Variants in SOX6 observed in about 807,000 individuals in gnomAD.
SOX6 encodes the protein transcription factor SOX-6.
Under a neutral mutation model 97.8 loss-of-function variants are expected in SOX6, and 11 were observed. That is an observed-to-expected ratio of 0.11 (90% CI 0.07 to 0.19). SOX6 has a LOEUF of 0.19. Ranked by LOEUF, SOX6 falls within the 10% of genes least tolerant of loss-of-function variation. The probability of loss-of-function intolerance (pLI) is 1.00; values close to 1 mark genes in which losing one functional copy is unlikely to be tolerated. For missense variants in SOX6, 810 were observed against 1,039.5 expected (o/e 0.78, Z 3.04); for synonymous variants, 360 against 371.4 (o/e 0.97, Z 0.35).
intron 3 of SOX6, among the ~76,000 whole-genome samples, chr11:16,274,363 C>T (rs1854335878): frequency 6.6e-6 from 1 of 151,976 alleles, no homozygotes; most frequent in Non-Finnish European, 1.5e-5. Context: ...CATTTGTCCA[C>T]CCATCCATAT....
intron 3 of SOX6, among the ~76,000 whole-genome samples, chr11:16,268,915 GC>G (rs757423803): frequency 4.0e-5 from 6 of 150,540 alleles, no homozygotes; most frequent in Admixed American, 2.7e-4. Flanking sequence ...TTTTTAACAT[GC>G]AAATACTTTT....
intron 9 of SOX6, among the ~76,000 whole-genome samples, chr11:16,071,654 A>G (rs1041899056): frequency 4.6e-5 from 7 of 152,220 alleles, no homozygotes; most frequent in Admixed American, 1.3e-4. Flanking sequence ...CCTGAATTCT[A>G]CAGGAAGGTA....
intron 13 of SOX6, among the ~76,000 whole-genome samples, chr11:16,001,836 G>C (rs1431747901): frequency 6.6e-6 from 1 of 152,164 alleles, no homozygotes; most frequent in Non-Finnish European, 1.5e-5. Context: ...TTGTGGATAA[G>C]ACTTCTATTT....
chr11:16,299,564 C>T (rs957365359), intron 3 of SOX6, among the ~76,000 whole-genome samples: 8 of 152,012 alleles, frequency 5.3e-5, no homozygotes, highest in Admixed American at 1.3e-4. Context: ...AATCACCACA[C>T]GCCTTTTCAT....
chr11:16,044,572 A>T lies in SOX6; in HGVS notation c.1623+1942T>A, dbSNP rs139793109. Among the ~76,000 whole-genome samples, 137 of 152,276 alleles carry T rather than the reference A, an allele frequency of 9.0e-4. 3 individuals are homozygous for T. In the East Asian group the frequency reaches 0.025, roughly 27 times the overall value. ...TGATATTTTGATTATAAGAAAGCCA[A>T]AGCTACCATCACAGGAATCCATTAG... On this transcript the variant is annotated intron_variant, in intron 12 of 15. Coordinates refer to ENST00000683767, the MANE Select transcript of SOX6 (RefSeq NM_001367873.1).
At position 16,468,585 on chromosome 11, in the gene SOX6, G is replaced by A. The variant is rs139492239; in HGVS notation, c.-5+7730C>T. 6.2e-4 allele frequency among the ~76,000 whole-genome samples: 94 copies of A among 152,090 alleles called. 3 individuals are homozygous for A. Among genetic ancestry groups the A allele is most frequent in the African/African-American group, 2.0e-3 (85 of 41,512 alleles). On this transcript the variant is annotated intron_variant, in intron 1 of 15. Coordinates refer to the SOX6 transcript ENST00000396356. ...CTTTAATAAGTCAGCTTCTTTGATCGGCACCCAACATGGATCCACCTCACA... is the reference window on the plus strand; with the variant it reads ...CTTTAATAAGTCAGCTTCTTTGATCAGCACCCAACATGGATCCACCTCACA...
At chr11:16,115,383 G>C (rs1849322058) in intron 6 of SOX6, among the ~76,000 whole-genome samples, 1 of 152,174 alleles carries the variant, frequency 6.6e-6, no homozygotes, top group African/African-American at 2.4e-5. Context: ...ATTTAGGACA[G>C]TGATCTCAAA....
At chr11:16,693,814 A>G (rs1848033541) in intron 3 of SOX6, among the ~76,000 whole-genome samples, 1 of 152,198 alleles carries the variant, frequency 6.6e-6, no homozygotes, top group Non-Finnish European at 1.5e-5. Flanking sequence ...CAGCAGAAGT[A>G]TTATCTACAT....
intron 1 of SOX6, among the ~76,000 whole-genome samples, chr11:16,444,226 A>G (rs1859569011): frequency 6.6e-6 from 1 of 152,172 alleles, no homozygotes; most frequent in Admixed American, 6.5e-5. Context: ...AATTATACGA[A>G]TGTGTTAAAA....
chr11:16,713,030 A>G (rs1206360343), intron 3 of SOX6, among the ~76,000 whole-genome samples: 2 of 152,198 alleles, frequency 1.3e-5, no homozygotes, highest in Non-Finnish European at 2.9e-5. Context: ...CAAATAAAAA[A>G]CTGAGATCCA....
intron 2 of SOX6, among the ~76,000 whole-genome samples, chr11:16,726,400 G>C (rs1490783549): frequency 1.3e-5 from 2 of 152,184 alleles, no homozygotes; most frequent in Non-Finnish European, 2.9e-5. Flanking sequence ...TTGGGTGACA[G>C]AGTGAGACTG....
At chr11:16,054,671 G>T (rs187238649) in intron 10 of SOX6, among the ~76,000 whole-genome samples, 2 of 152,194 alleles carry the variant, frequency 1.3e-5, no homozygotes, top group African/African-American at 4.8e-5. Flanking sequence ...TAATTTGGTT[G>T]GTCTCAGCTG....
chr11:16,423,992 G>T (rs147850003), intron 1 of SOX6, among the ~76,000 whole-genome samples: 28 of 152,238 alleles, frequency 1.8e-4, no homozygotes, highest in Middle Eastern at 3.4e-3. Flanking sequence ...TTAGTCAACC[G>T]TATTAATTAC....
At chr11:16,325,354 A>C (rs1176024614) in intron 2 of SOX6, among the ~76,000 whole-genome samples, 3 of 152,158 alleles carry the variant, frequency 2.0e-5, no homozygotes, top group Non-Finnish European at 4.4e-5. Context: ...AACTGGAAAG[A>C]TATATTAAAA....
At chr11:16,143,893 A>C (rs555509878) in intron 6 of SOX6, among the ~76,000 whole-genome samples, 1 of 152,304 alleles carries the variant, frequency 6.6e-6, no homozygotes, top group Non-Finnish European at 1.5e-5. Flanking sequence ...ACTCCCACAC[A>C]ATAATAATGG....
chr11:16,254,560 G>A (rs868568533), intron 3 of SOX6, among the ~76,000 whole-genome samples: 3 of 152,004 alleles, frequency 2.0e-5, no homozygotes, highest in South Asian at 2.1e-4. Flanking sequence ...ATTTGAAAGC[G>A]GACTTGGATT....
intron 1 of SOX6, among the ~76,000 whole-genome samples, chr11:16,401,613 G>T (rs771035664): frequency 2.6e-5 from 4 of 151,248 alleles, no homozygotes; most frequent in Non-Finnish European, 5.9e-5. Flanking sequence ...TTCCAGTCTC[G>T]CTTTTTAAAT....
chr11:16,721,468 T>C (rs1384795792), intron 2 of SOX6, among the ~76,000 whole-genome samples: 1 of 150,038 alleles, frequency 6.7e-6, no homozygotes, highest in African/African-American at 2.5e-5. Flanking sequence ...TGAATTTTGA[T>C]TCAGTGTCAC....
chr11:16,441,129 T>C (rs1859496242), intron 1 of SOX6, among the ~76,000 whole-genome samples: 1 of 152,134 alleles, frequency 6.6e-6, no homozygotes. Context: ...CCTCTCTTCC[T>C]GCTTAAGAAT....
Sources: gnomAD v4.1 joint callset for allele counts (sites outside exome capture counted in the v4.1 genomes callset) on GRCh38, gnomAD v4.1.1 for gene constraint, MANE v1.5 for transcripts, NCBI Gene and HGNC (gene_info 2026-07-23, HGNC 2026-07-21) for gene names.